SBF2: variants seen among roughly 807,000 people sequenced by gnomAD.
The protein encoded by SBF2 is SET binding factor 2.
Under a neutral mutation model 225.2 loss-of-function variants are expected in SBF2, and 112 were observed. That is an observed-to-expected ratio of 0.50 (90% CI 0.43 to 0.58). SBF2 has a LOEUF of 0.58. Among genes scored for constraint, SBF2 ranks in the 20% least tolerant of loss-of-function variants. The probability of loss-of-function intolerance (pLI) is 0.00; values close to 1 mark genes in which losing one functional copy is unlikely to be tolerated. For synonymous variants in SBF2, 763 were observed against 773.3 expected (o/e 0.99, Z 0.22); for missense variants, 1,996 against 2,206.2 (o/e 0.90, Z 1.91).
At chr11:10,138,229 G>C (rs895334435) in intron 2 of SBF2, among the ~76,000 whole-genome samples, 3 of 152,078 alleles carry the variant, frequency 2.0e-5, no homozygotes, top group Non-Finnish European at 2.9e-5. Flanking sequence ...TGCTTTTCAA[G>C]TCATTTGTCC....
intron 16 of SBF2, among the ~76,000 whole-genome samples, chr11:9,934,842 C>T (rs1379535673): frequency 6.6e-6 from 1 of 152,126 alleles, no homozygotes; most frequent in African/African-American, 2.4e-5. Context: ...AACCCACAGC[C>T]AATATCATAC....
intron 1 of SBF2, among the ~76,000 whole-genome samples, chr11:10,257,052 G>A (rs1015379025): frequency 6.6e-6 from 1 of 152,146 alleles, no homozygotes; most frequent in African/African-American, 2.4e-5. Flanking sequence ...CAGGCACTGA[G>A]CTAAGCACTT....
At chr11:10,151,844 A>T (rs758535268) in intron 2 of SBF2, among the ~76,000 whole-genome samples, 2 of 152,234 alleles carry the variant, frequency 1.3e-5, no homozygotes, top group Non-Finnish European at 2.9e-5. Flanking sequence ...TATGATTCCT[A>T]TATCACCCAT....
chr11:9,853,768 CTATAT>C (rs1857127417), intron 19 of SBF2, 56 bp from the exon 20 acceptor site: 1 of 1,490,224 alleles, frequency 6.7e-7, no homozygotes, highest in Admixed American at 1.7e-5. Context: ...CAAATGACTA[CTATAT>C]AGTAGTCAAT....
At chr11:9,989,351 C>T (rs779532575) in intron 13 of SBF2, 146 bp downstream of exon 13, 1 of 598,732 alleles carries the variant, frequency 1.7e-6, no homozygotes, top group Admixed American at 2.9e-5. Context: ...GTATATACTG[C>T]TTGGGTGATG....
chr11:10,204,023 A>T (rs980243225), intron 1 of SBF2, among the ~76,000 whole-genome samples: 1 of 152,044 alleles, frequency 6.6e-6, no homozygotes, highest in Non-Finnish European at 1.5e-5. Flanking sequence ...AAACACACTG[A>T]TCATAGAAGC....
chr11:9,935,718 A>T (rs1365828553), intron 16 of SBF2, among the ~76,000 whole-genome samples: 1 of 152,210 alleles, frequency 6.6e-6, no homozygotes, highest in Non-Finnish European at 1.5e-5. Context: ...AGGATTCCCT[A>T]TTTAATAAAT....
intron 2 of SBF2, among the ~76,000 whole-genome samples, chr11:10,131,797 A>G (rs1456455966): frequency 2.0e-5 from 3 of 152,122 alleles, no homozygotes; most frequent in Non-Finnish European, 2.9e-5. Context: ...TGGTTTGCCA[A>G]TATTTTATCC....
chr11:10,277,633 A>G (rs1467120761), intron 1 of SBF2, among the ~76,000 whole-genome samples: 1 of 152,204 alleles, frequency 6.6e-6, no homozygotes, highest in East Asian at 1.9e-4. Context: ...ATAGTTAAGG[A>G]TCTTCTGATG....
Position 10,231,622 on chromosome 11 carries a change from G to A in SBF2, c.56-37635C>T, listed in dbSNP as rs572279587. On this transcript the variant is annotated intron_variant, in intron 1 of 39. Coordinates refer to ENST00000256190, the MANE Select transcript of SBF2 (RefSeq NM_030962.4). ...TCAGCAGCGGTGGCTGCAGAACAGC[G>A]GATATTGGTGAACTGCAAATGCTGC... Among the ~76,000 whole-genome samples the A allele has an allele frequency of 6.8e-3, 1,038 of 152,256 alleles. 11 individuals are homozygous for A. Among genetic ancestry groups the A allele is most frequent in the African/African-American group, 0.024 (980 of 41,536 alleles).
upstream of SBF2, chr11:10,294,241 C>T: frequency 2.3e-6 from 1 of 439,522 alleles, no homozygotes; most frequent in Admixed American, 4.6e-5. Flanking sequence ...GCGCCTAGTG[C>T]CCGCTCCTCC....
intron 2 of SBF2, among the ~76,000 whole-genome samples, chr11:10,172,801 G>A (rs1956255738): frequency 6.6e-6 from 1 of 152,148 alleles, no homozygotes; most frequent in Non-Finnish European, 1.5e-5. Context: ...CGAGTAGCTG[G>A]GATTACATGC....
At chr11:9,855,546 G>A (rs1857257018) in intron 19 of SBF2, among the ~76,000 whole-genome samples, 1 of 152,070 alleles carries the variant, frequency 6.6e-6, no homozygotes, top group Admixed American at 6.5e-5. Flanking sequence ...ACTACTGTTG[G>A]GTTGATAAGT....
chr11:10,032,096 C>A (rs1370107274), intron 3 of SBF2, among the ~76,000 whole-genome samples: 1 of 152,154 alleles, frequency 6.6e-6, no homozygotes, highest in Non-Finnish European at 1.5e-5. Context: ...TGCCACTGAA[C>A]TGAATACTTA....
intron 1 of SBF2, among the ~76,000 whole-genome samples, chr11:10,208,024 A>G (rs563988905): frequency 1.2e-4 from 18 of 152,260 alleles, no homozygotes; most frequent in African/African-American, 4.3e-4. Context: ...CTAATCTAAG[A>G]AAGTCCTCAA....
chr11:10,203,181 A>C (rs146159357), intron 1 of SBF2, among the ~76,000 whole-genome samples: 1 of 152,308 alleles, frequency 6.6e-6, no homozygotes, highest in African/African-American at 2.4e-5. Flanking sequence ...CAGAGTATCA[A>C]AGAGAAGAGA....
chr11:9,797,278 A>T (rs1226296720), intron 32 of SBF2, among the ~76,000 whole-genome samples: 1 of 152,232 alleles, frequency 6.6e-6, no homozygotes, highest in African/African-American at 2.4e-5. Context: ...GATTTATCAA[A>T]ATTTATCATC....
chr11:9,959,535 G>T (rs1376912359), intron 16 of SBF2: 1 of 791,850 alleles, frequency 1.3e-6, no homozygotes, highest in East Asian at 2.4e-5. Flanking sequence ...GCTTGTGGAG[G>T]TCCTTGTGGA....
chr11:9,925,227 C>T (rs1863936857), intron 16 of SBF2, among the ~76,000 whole-genome samples: 1 of 151,828 alleles, frequency 6.6e-6, no homozygotes, highest in Non-Finnish European at 1.5e-5. Context: ...TTTTATCTAA[C>T]CAAACACATC....
Sources: gnomAD v4.1 joint callset for allele counts (sites outside exome capture counted in the v4.1 genomes callset) on GRCh38, gnomAD v4.1.1 for gene constraint, MANE v1.5 for transcripts, NCBI Gene and HGNC (gene_info 2026-07-23, HGNC 2026-07-21) for gene names.